ZFHX4: variants seen among roughly 807,000 people sequenced by gnomAD.
ZFHX4 encodes the protein zinc finger homeobox 4.
ZFHX4 carries 56 observed loss-of-function variants against 267.6 expected under a neutral mutation model. That is an observed-to-expected ratio of 0.21 (90% CI 0.17 to 0.26). ZFHX4 has a LOEUF of 0.26. ZFHX4 is among the 10% of genes least tolerant of loss of function. ZFHX4 has a pLI of 1.00. For synonymous variants in ZFHX4, 1,778 were observed against 1,665.6 expected (o/e 1.07, Z -1.64); for missense variants, 4,332 against 4,420.0 (o/e 0.98, Z 0.56).
chr8:76,765,180 G>A (rs1321971234), intron 3 of ZFHX4, among the ~76,000 whole-genome samples: 1 of 152,244 alleles, frequency 6.6e-6, no homozygotes, highest in East Asian at 1.9e-4. Context: ...TCATTTAGTT[G>A]TGTTAAAGGT....
At chr8:76,829,168 T>G (rs952076866) in intron 4 of ZFHX4, among the ~76,000 whole-genome samples, 8 of 151,794 alleles carry the variant, frequency 5.3e-5, no homozygotes, top group Non-Finnish European at 1.2e-4. Flanking sequence ...AATCTTATAA[T>G]TCTCTGCATA....
At chr8:76,699,141 C>T (rs1246460766) in intron 1 of ZFHX4, among the ~76,000 whole-genome samples, 1 of 152,138 alleles carries the variant, frequency 6.6e-6, no homozygotes, top group African/African-American at 2.4e-5. Context: ...AATTGTAAAG[C>T]TCACAAACAT....
At chr8:76,742,659 G>T (rs1809351164) in intron 3 of ZFHX4, among the ~76,000 whole-genome samples, 1 of 152,160 alleles carries the variant, frequency 6.6e-6, no homozygotes, top group African/African-American at 2.4e-5. Context: ...GTTAATCACA[G>T]AATCAAAATA....
intron 3 of ZFHX4, among the ~76,000 whole-genome samples, chr8:76,744,970 T>G (rs542381701): frequency 2.6e-5 from 4 of 152,256 alleles, no homozygotes; most frequent in Admixed American, 2.0e-4. Flanking sequence ...GTACTCTTCT[T>G]GTGATGCCCA....
chr8:76,818,143 A>T lies in ZFHX4; in HGVS notation c.3326-15195A>T, dbSNP rs1428521404. Among the ~76,000 whole-genome samples, 4 of 152,184 alleles carry T rather than the reference A, an allele frequency of 2.6e-5. No individual in the cohort carries two copies. In the East Asian group the frequency reaches 7.7e-4, roughly 29 times the overall value. The stretch of plus-strand genomic sequence containing the variant: ...TGTTTAGAGGAACATTGAAACTGGG[A>T]TTTGATATGGCTGATGGAGGTATGA... On this transcript the variant is annotated intron_variant, in intron 4 of 10. Transcript: ENST00000651372.
At chr8:76,719,760 T>C (rs1250639306) in intron 3 of ZFHX4, among the ~76,000 whole-genome samples, 1 of 152,142 alleles carries the variant, frequency 6.6e-6, no homozygotes, top group Non-Finnish European at 1.5e-5. Flanking sequence ...AAGTATCTTC[T>C]TAAACTGACC....
At chr8:76,824,629 G>A (rs75030399) in intron 4 of ZFHX4, among the ~76,000 whole-genome samples, 2 of 152,272 alleles carry the variant, frequency 1.3e-5, no homozygotes, top group African/African-American at 4.8e-5. Flanking sequence ...CTAGAGTGCA[G>A]TAGCATGAGT....
chr8:76,835,766 C>A (rs535286875), intron 5 of ZFHX4, among the ~76,000 whole-genome samples: 1 of 152,042 alleles, frequency 6.6e-6, no homozygotes, highest in Non-Finnish European at 1.5e-5. Flanking sequence ...AGAGTTATGG[C>A]AAACATTTCA....
chr8:76,848,678 G>T (rs1293173660), intron 6 of ZFHX4, among the ~76,000 whole-genome samples: 2 of 152,140 alleles, frequency 1.3e-5, no homozygotes, highest in African/African-American at 4.8e-5. Context: ...TTGTGAAAGG[G>T]AGTAGATTTG....
At chr8:76,825,263 G>A (rs955685457) in intron 4 of ZFHX4, among the ~76,000 whole-genome samples, 1 of 152,108 alleles carries the variant, frequency 6.6e-6, no homozygotes, top group African/African-American at 2.4e-5. Context: ...TATTAACTTT[G>A]CTCCTTAATA....
chr8:76,807,043 A>C (rs1467974632), intron 4 of ZFHX4, among the ~76,000 whole-genome samples: 1 of 152,148 alleles, frequency 6.6e-6, no homozygotes, highest in Admixed American at 6.6e-5. Flanking sequence ...TAGCATGATC[A>C]TCTGATTTCT....
At chr8:76,724,161 T>A (rs1399230959) in intron 3 of ZFHX4, among the ~76,000 whole-genome samples, 2 of 152,086 alleles carry the variant, frequency 1.3e-5, no homozygotes, top group Admixed American at 1.3e-4. Flanking sequence ...TTTTAAAACA[T>A]CCTGATTCCA....
intron 10 of ZFHX4, among the ~76,000 whole-genome samples, chr8:76,859,632 A>G (rs1812817186): frequency 6.6e-6 from 1 of 152,130 alleles, no homozygotes; most frequent in Non-Finnish European, 1.5e-5. Context: ...GCCTAAGCTG[A>G]TTTCCTTAAA....
In ZFHX4 at chr8:76,852,022, G is replaced by A. The variant is rs267602002; in HGVS notation, c.5101G>A (p.Glu1701Lys). Reference sequence around the variant, plus strand: ...ACAAATTCAGATGCAACTACAGCACGAATTACAACAGCAAGCCGCATTCTT... The same window carrying A: ...ACAAATTCAGATGCAACTACAGCACAAATTACAACAGCAAGCCGCATTCTT... ...PAQIQMQLQH[E>K]LQQQAAFFQP... The change falls in exon 10 of 11, where the codon GAA becomes AAA. Residue 1701 changes from glutamate (E) to lysine (K), a missense_variant. By Grantham distance (56) the Glu-to-Lys change is moderately conservative. Coordinates refer to ENST00000651372, the MANE Select transcript of ZFHX4 (RefSeq NM_024721.5). 5.0e-6 allele frequency: 8 copies of A among 1,613,846 alleles called. No individual in the cohort carries two copies. The highest frequency in any genetic ancestry group is 2.7e-5 in the African/African-American group (2 of 74,920).
intron 4 of ZFHX4, among the ~76,000 whole-genome samples, chr8:76,822,452 C>CTTTTTTTTTTTTTTTTTTTTTTTTTT (rs5892566): frequency 8.6e-6 from 1 of 116,150 alleles, no homozygotes; most frequent in African/African-American, 3.7e-5. Context: ...GTGTCTACCT[C>CTTTTTTTTTTTTTTTTTTTTTTTTTT]TTTTTTTTTT....
chr8:76,696,249 A>G (rs1273763057), intron 1 of ZFHX4, among the ~76,000 whole-genome samples: 3 of 152,170 alleles, frequency 2.0e-5, no homozygotes, highest in Non-Finnish European at 4.4e-5. Context: ...TAGAAACTGT[A>G]GATTTGAGAT....
At chr8:76,712,508 G>C (rs555499201) in intron 3 of ZFHX4, among the ~76,000 whole-genome samples, 2 of 151,232 alleles carry the variant, frequency 1.3e-5, no homozygotes, top group African/African-American at 4.9e-5. Flanking sequence ...TCAAATATAC[G>C]AGATATGTAC....
intron 3 of ZFHX4, among the ~76,000 whole-genome samples, chr8:76,774,294 G>C (rs1810349322): frequency 6.6e-6 from 1 of 152,126 alleles, no homozygotes; most frequent in Admixed American, 6.6e-5. Context: ...ATGCTCATCA[G>C]GAAGAAATGA....
chr8:76,827,650 T>G (rs943209336), intron 4 of ZFHX4, among the ~76,000 whole-genome samples: 3 of 152,134 alleles, frequency 2.0e-5, no homozygotes, highest in African/African-American at 7.2e-5. Flanking sequence ...TATAAGTAAT[T>G]TATTGAAACT....
Sources: allele counts gnomAD v4.1 joint callset (sites outside exome capture counted in the v4.1 genomes callset), GRCh38; gene constraint gnomAD v4.1.1; transcripts MANE v1.5; gene names NCBI Gene and HGNC (gene_info 2026-07-23, HGNC 2026-07-21).